The following PRH1 variants were observed in gnomAD, a reference collection of about 807,000 sequenced individuals.
The protein encoded by PRH1 is proline rich protein HaeIII subfamily 1, also known as salivary acidic proline-rich phosphoprotein 1/2.
Under a neutral mutation model 7.9 loss-of-function variants are expected in PRH1, and 7 were observed. The ratio of observed to expected loss-of-function variants is 0.89; its 90% confidence interval spans 0.50 to 1.67. The LOEUF (loss-of-function observed/expected upper bound fraction) is 1.67, where lower values mean the gene tolerates loss of function less well. PRH1 is among the 40% of genes most tolerant of loss of function. The pLI is 0.00. For synonymous variants in PRH1, 45 were observed against 80.8 expected, an observed-to-expected ratio of 0.56 and a Z score of 2.38; for missense variants, 109 against 223.6, an observed-to-expected ratio of 0.49 and a Z score of 3.27.
At chr12:11,070,883 A>C (rs1944035707) in intron 1 of PRH1, among the ~76,000 whole-genome samples, 1 of 152,160 alleles carries the variant, frequency 6.6e-6, no homozygotes, top group Admixed American at 6.6e-5. Context: ...CCCAGGCTGT[A>C]TCTAGTACAG....
chr12:11,147,894 C>T (rs34861336), intron 1 of PRH1, among the ~76,000 whole-genome samples: 33,888 of 150,546 alleles, frequency 0.23, 4,383 homozygotes, highest in Non-Finnish European at 0.29. Context: ...GCCATTTTCA[C>T]GATATTGATT....
At chr12:11,170,331 G>C (rs1947787242) in intron 1 of PRH1, among the ~76,000 whole-genome samples, 1 of 152,172 alleles carries the variant, frequency 6.6e-6, no homozygotes, top group Non-Finnish European at 1.5e-5. Context: ...CAGATCACGA[G>C]GTCAGGAGAT....
intron 1 of PRH1, among the ~76,000 whole-genome samples, chr12:11,009,415 T>C (rs28630880): frequency 0.3 from 46,211 of 151,734 alleles, 8,898 homozygotes; most frequent in East Asian, 0.74. Flanking sequence ...CCTAAATATA[T>C]AGAGATGGAA....
At chr12:10,961,868 TGG>T (rs1386244506) in intron 2 of PRH1, among the ~76,000 whole-genome samples, 1 of 152,230 alleles carries the variant, frequency 6.6e-6, no homozygotes, top group Non-Finnish European at 1.5e-5. Context: ...GGAAAAGTAC[TGG>T]GGTCCAAGTG....
At chr12:10,960,352 G>T (rs1369622372) in intron 2 of PRH1, among the ~76,000 whole-genome samples, 1 of 152,186 alleles carries the variant, frequency 6.6e-6, no homozygotes, top group Admixed American at 6.5e-5. Context: ...TCCCTATTCA[G>T]TTAACCTATC....
At chr12:11,145,823 C>T (rs1020895927) in intron 1 of PRH1, among the ~76,000 whole-genome samples, 3 of 152,076 alleles carry the variant, frequency 2.0e-5, no homozygotes, top group African/African-American at 4.8e-5. Flanking sequence ...CTCTATATCT[C>T]TTTTAATGAC....
At chr12:10,969,582 C>T (rs915801946) in intron 2 of PRH1, among the ~76,000 whole-genome samples, 4 of 152,024 alleles carry the variant, frequency 2.6e-5, no homozygotes, top group South Asian at 2.1e-4. Flanking sequence ...TTATTAAATT[C>T]TAAAAATCAT....
chr12:11,108,405 C>G (rs933548692), intron 1 of PRH1, among the ~76,000 whole-genome samples: 3 of 152,060 alleles, frequency 2.0e-5, no homozygotes, highest in Non-Finnish European at 2.9e-5. Flanking sequence ...CAGCTCCAGT[C>G]TGCAAATCCC....
chr12:10,932,669 G>T (rs1320191870), intron 2 of PRH1, among the ~76,000 whole-genome samples: 1 of 152,062 alleles, frequency 6.6e-6, no homozygotes, highest in Non-Finnish European at 1.5e-5. Flanking sequence ...AAGTGAGTAT[G>T]GTTCTATGCC....
intron 1 of PRH1, among the ~76,000 whole-genome samples, chr12:11,094,205 G>T (rs1429004263): frequency 9.4e-6 from 1 of 106,732 alleles, no homozygotes; most frequent in African/African-American, 3.2e-5. Context: ...AGGAGGCTGA[G>T]GCAGGAGAAT....
At chr12:10,929,426 G>T in intron 2 of PRH1, 1 of 1,510,130 alleles carries the variant, frequency 6.6e-7, no homozygotes, top group Non-Finnish European at 9.2e-7. Flanking sequence ...AAGAGAGGAG[G>T]ATGAGAAAAC....
intron 1 of PRH1, among the ~76,000 whole-genome samples, chr12:11,158,503 T>G (rs1947320051): frequency 6.6e-6 from 1 of 152,170 alleles, no homozygotes; most frequent in Non-Finnish European, 1.5e-5. Flanking sequence ...GTGCATTTAT[T>G]TATATTCCAT....
chr12:10,971,273 T>G (rs191154933), intron 2 of PRH1, among the ~76,000 whole-genome samples: 1 of 152,214 alleles, frequency 6.6e-6, no homozygotes, highest in Admixed American at 6.5e-5. Context: ...ATGTAATAAA[T>G]TGCAATGTAT....
intron 1 of PRH1, among the ~76,000 whole-genome samples, chr12:11,069,393 C>T (rs1408839598): frequency 6.6e-6 from 1 of 151,028 alleles, no homozygotes; most frequent in Non-Finnish European, 1.5e-5. Flanking sequence ...ATCACCAACA[C>T]AACAGGCATC....
chr12:10,938,527 G>C (rs1591702010), intron 2 of PRH1: 1 of 1,614,040 alleles, frequency 6.2e-7, no homozygotes, highest in East Asian at 2.2e-5. Context: ...TAACTCCTCT[G>C]TGGGCTTTGG....
chr12:11,094,514 G>A (rs1945029736), intron 1 of PRH1, among the ~76,000 whole-genome samples: 1 of 113,750 alleles, frequency 8.8e-6, no homozygotes, highest in Non-Finnish European at 2.1e-5. Context: ...GGTTTGTCCT[G>A]TGAGATGGAT....
At chr12:11,127,604 TAACACA>T (rs1333414467) in intron 1 of PRH1, among the ~76,000 whole-genome samples, 8 of 147,190 alleles carry the variant, frequency 5.4e-5, no homozygotes, top group African/African-American at 2.0e-4. Flanking sequence ...ACAAGCTCAT[TAACACA>T]AACACATTCA....
chr12:11,111,320 A>C (rs1335793972), intron 1 of PRH1, among the ~76,000 whole-genome samples: 1 of 152,126 alleles, frequency 6.6e-6, no homozygotes, highest in Non-Finnish European at 1.5e-5. Context: ...CATCTACAGA[A>C]CTCTCCACCT....
chr12:11,042,713 G>C (rs1057205639), intron 1 of PRH1, among the ~76,000 whole-genome samples: 1 of 138,026 alleles, frequency 7.2e-6, no homozygotes, highest in African/African-American at 2.7e-5. Context: ...CACTGCAAGC[G>C]CCACCTCCCG....
Sources: gnomAD v4.1 joint callset for allele counts (sites outside exome capture counted in the v4.1 genomes callset) on GRCh38, gnomAD v4.1.1 for gene constraint, MANE v1.5 for transcripts, NCBI Gene and HGNC (gene_info 2026-07-23, HGNC 2026-07-21) for gene names.